SARAF: variants seen among roughly 807,000 people sequenced by gnomAD.
SARAF encodes store-operated calcium entry associated regulatory factor.
In SARAF, 23 loss-of-function variants were observed where a neutral mutation model predicts 39.7. The observed-to-expected ratio is 0.58, with a 90% CI of 0.42 to 0.82. SARAF has a LOEUF of 0.82. Ranked by LOEUF, SARAF falls within the 40% of genes least tolerant of loss-of-function variation. The pLI is 0.00. For synonymous variants in SARAF, 175 were observed against 168.5 expected, an observed-to-expected ratio of 1.04 and a Z score of -0.30; for missense variants, 384 against 418.5, an observed-to-expected ratio of 0.92 and a Z score of 0.72.
chr8:30,071,030 C>T (rs1470520286), intron 2 of SARAF, among the ~76,000 whole-genome samples: 3 of 152,170 alleles, frequency 2.0e-5, no homozygotes, highest in Non-Finnish European at 2.9e-5. Flanking sequence ...AAGCAATATG[C>T]TTCTTTAACT....
intron 3 of SARAF, among the ~76,000 whole-genome samples, chr8:30,069,134 AT>A (rs36096551): frequency 3.1e-5 from 3 of 97,838 alleles, no homozygotes; most frequent in Admixed American, 1.4e-4. Flanking sequence ...TTAATCAGGC[AT>A]TTTTTTTTTT....
chr8:30,064,555 A>ATTTT lies in SARAF; in HGVS notation c.995-643_995-642insAAAA, dbSNP rs1402020823. ...TAGCCATATATATATATATATATAT[A>ATTTT]TATATATTTTTTTTTTTTTTTTTTG... On this transcript the variant is annotated intron_variant, in intron 5 of 5. Transcript: ENST00000256255. Among the ~76,000 whole-genome samples the ATTTT allele has an allele frequency of 1.1e-3, 56 of 52,498 alleles. 1 individual carries two copies. Among genetic ancestry groups the ATTTT allele is most frequent in the African/African-American group, 4.7e-3 (48 of 10,246 alleles). 34.4% of individuals were successfully genotyped at this position (52,498 alleles called of 152,430 possible).
chr8:30,065,072 ACTTATT>A (rs1344920357), intron 5 of SARAF, among the ~76,000 whole-genome samples: 2 of 152,176 alleles, frequency 1.3e-5, no homozygotes, highest in East Asian at 1.9e-4. Context: ...GCACACAACT[ACTTATT>A]CTTAGTTGCA....
At chr8:30,064,154 A>G in intron 5 of SARAF, among the ~76,000 whole-genome samples, 1 of 152,114 alleles carries the variant, frequency 6.6e-6, no homozygotes, top group East Asian at 1.9e-4. Flanking sequence ...AGGACCCCAA[A>G]AAAGAGAATG....
intron 5 of SARAF, 56 bp downstream of exon 5, chr8:30,065,932 A>C: frequency 6.3e-7 from 1 of 1,578,520 alleles, no homozygotes; most frequent in Non-Finnish European, 8.6e-7. Context: ...TAAAGTTCCC[A>C]AACTATTTCT....
rs185099132 is a variant in SARAF, at chr8:30,067,680, G to A, written c.701-762C>T. Reference sequence around the variant, plus strand: ...GTCCGGCACATCATTATGTCTATGGGAGTCAATCCTACCATTGCATTATCA... The same window carrying A: ...GTCCGGCACATCATTATGTCTATGGAAGTCAATCCTACCATTGCATTATCA... On this transcript the variant is annotated intron_variant, in intron 3 of 5. Transcript: ENST00000256255. 2.1e-4 allele frequency among the ~76,000 whole-genome samples: 32 copies of A among 152,264 alleles called. No individual in the cohort carries two copies. The East Asian group carries it at 6.2e-3, about 29-fold the overall frequency.
At position 30,083,053 on chromosome 8, in the gene SARAF, G is replaced by C; in HGVS notation, c.-104C>G. 2 of 867,986 alleles carry C rather than the reference G, an allele frequency of 2.3e-6. No homozygotes were observed. Among genetic ancestry groups the C allele is most frequent in the South Asian group, 3.8e-5 (2 of 53,112 alleles). The allele number at this position is 867,986 out of a possible 1,614,324, so 53.8% of individuals were successfully genotyped here. ...CAGCTACACCGCTACCCCTGGCGGC[G>C]GCGAAGGAACGGCCCGACTGCAGAG... is the stretch of plus-strand genomic sequence containing the variant. On this transcript the variant is annotated 5_prime_UTR_variant, in exon 1 of 6. Transcript: ENST00000256255.
chr8:30,074,479 AATATTAC>A, intron 1 of SARAF, among the ~76,000 whole-genome samples: 1 of 152,352 alleles, frequency 6.6e-6, no homozygotes, highest in East Asian at 1.9e-4. Flanking sequence ...ATTACAGTGG[AATATTAC>A]ATAGCAGTTA....
At chr8:30,071,596 T>G (rs1352666681) in intron 2 of SARAF, among the ~76,000 whole-genome samples, 1 of 152,166 alleles carries the variant, frequency 6.6e-6, no homozygotes, top group Non-Finnish European at 1.5e-5. Flanking sequence ...CCCAAAGAAA[T>G]ATTGTGCCCA....
chr8:30,083,033 A>T lies in SARAF; in HGVS notation c.-84T>A. 1 of 1,037,808 alleles carries T rather than the reference A, an allele frequency of 9.6e-7. No homozygotes were observed. Among genetic ancestry groups the T allele is most frequent in the Non-Finnish European group, 1.4e-6 (1 of 727,864 alleles). The allele number at this position is 1,037,808 out of a possible 1,614,324, so 64.3% of individuals were successfully genotyped here. A position where few individuals can be genotyped will look rare whatever the true frequency, so the allele number is the denominator to read the frequency against. Reference sequence around the variant, plus strand: ...GTAGCGCGCGCGACGCTGCGCAGCTACACCGCTACCCCTGGCGGCGGCGAA... The same window carrying T: ...GTAGCGCGCGCGACGCTGCGCAGCTTCACCGCTACCCCTGGCGGCGGCGAA... On this transcript the variant is annotated 5_prime_UTR_variant, in exon 1 of 6. Coordinates refer to ENST00000256255, the MANE Select transcript of SARAF (RefSeq NM_016127.6).
chr8:30,064,534 C>CATACATATATATAT (rs1801627334), intron 5 of SARAF, among the ~76,000 whole-genome samples: 1 of 78,228 alleles, frequency 1.3e-5, no homozygotes, highest in African/African-American at 5.7e-5. Context: ...CTTACCTAGC[C>CATACATATATATAT]ATATATATAT....
chr8:30,068,988 CTT>C (rs1801760356), intron 3 of SARAF, among the ~76,000 whole-genome samples: 2 of 152,068 alleles, frequency 1.3e-5, no homozygotes, highest in Admixed American at 1.3e-4. Flanking sequence ...ATTCTGGAAA[CTT>C]AATTGTTTTA....
chr8:30,078,368 C>G lies in SARAF; in HGVS notation c.104-4313G>C, dbSNP rs192563683. On this transcript the variant is annotated intron_variant, in intron 1 of 5. Coordinates refer to ENST00000256255, the MANE Select transcript of SARAF (RefSeq NM_016127.6). ...ATACTGAAAGGGCCCAACAAATACC[C>G]AGGCCTGAGAAACAGACCACACAAA... 666 of 351,452 alleles carry G rather than the reference C, an allele frequency of 1.9e-3. 1 individual carries two copies. Among genetic ancestry groups the G allele is most frequent in the Admixed American group, 4.3e-3 (104 of 24,278 alleles). 21.8% of individuals were successfully genotyped at this position (351,452 alleles called of 1,614,324 possible).
In SARAF at chr8:30,073,965, T is replaced by C; in HGVS notation, c.194A>G (p.Lys65Arg). 1 of 1,614,182 alleles carries C rather than the reference T, an allele frequency of 6.2e-7. No homozygotes were observed. Among genetic ancestry groups the C allele is most frequent in the South Asian group, 1.1e-5 (1 of 91,082 alleles). ...ACAACCAGCTGTGCCTCCAACACAT[T>C]TCAACTGTGGGATGGGATCCAGCCT... ...SRRLDPIPQL[K>R]CVGGTAGCDS... is the part of the protein sequence containing the mutation. The change falls in exon 2 of 6, where the codon AAA (lysine) becomes AGA (arginine). Residue 65 changes from lysine (K) to arginine (R), a missense_variant. Coordinates refer to ENST00000256255, the MANE Select transcript of SARAF (RefSeq NM_016127.6).
rs766230129 is a variant in SARAF at position 30,074,055 on chromosome 8, T to C, written c.104A>G (p.Asp35Gly). 6.2e-7 allele frequency: 1 copy of C among 1,610,896 alleles called. No homozygotes were observed. Among genetic ancestry groups the C allele is most frequent in the African/African-American group, 1.3e-5 (1 of 74,824 alleles). The change falls in exon 2 of 6, where the codon GAC (aspartate) becomes GGC (glycine). Residue 35 changes from aspartate (D) to glycine (G), a missense_variant and splice_region_variant. Physicochemically the swap from Asp to Gly is moderately conservative, Grantham distance 94. Coordinates refer to ENST00000256255, the MANE Select transcript of SARAF (RefSeq NM_016127.6). The part of the protein sequence containing the change: ...AGPALGWNDP[D>G]RMLLRDVKAL... ...TTTTACATCCCGCAGCAACATTCTG[T>C]CTGAAACAGCAAGAAAACAGAGGAA...
intron 1 of SARAF, chr8:30,078,091 G>C (rs747679044): frequency 3.1e-5 from 8 of 256,770 alleles, no homozygotes; most frequent in Non-Finnish European, 4.4e-5. Flanking sequence ...AGCGAGCCGA[G>C]ATGGTGCCAC....
At chr8:30,069,422 G>C (rs1198327274) in intron 3 of SARAF, among the ~76,000 whole-genome samples, 1 of 152,102 alleles carries the variant, frequency 6.6e-6, no homozygotes, top group Non-Finnish European at 1.5e-5. Context: ...TTACAGGCGT[G>C]AGCCACCGCG....
chr8:30,064,546 TATATATATATATATA>T (rs1563349813), intron 5 of SARAF, among the ~76,000 whole-genome samples: 4 of 46,874 alleles, frequency 8.5e-5, no homozygotes, highest in African/African-American at 1.8e-4. Context: ...TATATATATA[TATATATATATATATA>T]TTTTTTTTTT....
chr8:30,064,012 G>T, intron 5 of SARAF, 99 bp from the exon 6 acceptor site: 1 of 1,057,158 alleles, frequency 9.5e-7, no homozygotes, highest in Non-Finnish European at 1.4e-6. Context: ...GCAAATGAAT[G>T]AGATAGGAGG....
Sources: gnomAD v4.1 joint callset for allele counts (sites outside exome capture counted in the v4.1 genomes callset) on GRCh38, gnomAD v4.1.1 for gene constraint, MANE v1.5 for transcripts, NCBI Gene and HGNC (gene_info 2026-07-23, HGNC 2026-07-21) for gene names.